The following DENND2C variants were observed in gnomAD, a reference collection of about 807,000 sequenced individuals.
DENND2C encodes DENN domain-containing protein 2C.
A neutral mutation model predicts 112.4 loss-of-function variants in DENND2C; 72 were observed. The observed-to-expected ratio is 0.64, with a 90% confidence interval of 0.53 to 0.78. DENND2C has a LOEUF of 0.78. Among genes scored for constraint, DENND2C ranks in the 30% least tolerant of loss-of-function variants. DENND2C has a pLI of 0.00. For synonymous variants in DENND2C, 329 were observed against 381.6 expected (o/e 0.86, Z 1.61); for missense variants, 992 against 1,113.8 (o/e 0.89, Z 1.56).
chr1:114,591,599 G>A lies in DENND2C; in HGVS notation c.2431+2874C>T, dbSNP rs1206763278. ...TCTCTTTTCCATGGTGTCCCTTGACGAAAAGAAAATGTAAAGATTTAACAC... is the reference window on the plus strand; with the variant it reads ...TCTCTTTTCCATGGTGTCCCTTGACAAAAAGAAAATGTAAAGATTTAACAC... On this transcript the variant is annotated intron_variant, in intron 18 of 20. Coordinates refer to ENST00000393274, the MANE Select transcript of DENND2C (RefSeq NM_001256404.2). Among the ~76,000 whole-genome samples the A allele has an allele frequency of 2.6e-5, 4 of 152,006 alleles. No individual in the cohort carries two copies. In the South Asian group the frequency reaches 6.2e-4, roughly 24 times the overall value.
intron 3 of DENND2C, among the ~76,000 whole-genome samples, chr1:114,644,288 TATC>T (rs972370492): frequency 1.3e-5 from 2 of 152,184 alleles, no homozygotes; most frequent in Non-Finnish European, 2.9e-5. Context: ...CCATAGAACT[TATC>T]ATTTATCTGA....
intron 8 of DENND2C, among the ~76,000 whole-genome samples, chr1:114,615,106 G>A (rs1655928180): frequency 6.6e-6 from 1 of 151,980 alleles, no homozygotes; most frequent in South Asian, 2.1e-4. Context: ...CCTGGCCCCA[G>A]TATATGATAA....
At position 114,601,492 on chromosome 1, in the gene DENND2C, C is replaced by T. The variant is rs373943850; in HGVS notation, c.1815+16G>A. ...AAAAAGGACACCATTTTTCATACAG[C>T]TCATTCTCCACTCACCTTTGAAAAA... is the stretch of plus-strand genomic sequence containing the variant. On this transcript the variant is annotated intron_variant, in intron 13 of 20. Transcript: ENST00000393274. The T allele has an allele frequency of 4.4e-6, 7 of 1,607,568 alleles. No individual in the cohort carries two copies. In the African/African-American group the frequency reaches 8.0e-5, roughly 18 times the overall value.
At chr1:114,629,176 A>G (rs908092584) in intron 3 of DENND2C, among the ~76,000 whole-genome samples, 2 of 152,254 alleles carry the variant, frequency 1.3e-5, no homozygotes, top group African/African-American at 4.8e-5. Flanking sequence ...AAGAGAAGGT[A>G]GAGCACACAT....
chr1:114,599,073 G>A (rs2101646698), intron 16 of DENND2C, among the ~76,000 whole-genome samples: 1 of 152,210 alleles, frequency 6.6e-6, no homozygotes, highest in Non-Finnish European at 1.5e-5. Flanking sequence ...ATAAGATACA[G>A]CTTTGGATTT....
chr1:114,613,397 A>G (rs1183331958), intron 8 of DENND2C, among the ~76,000 whole-genome samples: 1 of 152,250 alleles, frequency 6.6e-6, no homozygotes, highest in African/African-American at 2.4e-5. Flanking sequence ...ATAAGAGAAC[A>G]TTAAAATAAA....
At chr1:114,638,606 T>G (rs1455086236) in intron 3 of DENND2C, among the ~76,000 whole-genome samples, 1 of 151,256 alleles carries the variant, frequency 6.6e-6, no homozygotes, top group Non-Finnish European at 1.5e-5. Context: ...AAAAAATTTT[T>G]TAAAAAATTA....
chr1:114,625,946 C>T lies in DENND2C; in HGVS notation c.39G>A (p.Leu13=), dbSNP rs1252499640. The change falls in exon 4 of 21, where the codon CTG becomes CTA. Residue 13 remains leucine (L), a synonymous_variant. Coordinates refer to ENST00000393274, the MANE Select transcript of DENND2C (RefSeq NM_001256404.2). ...VGFSRTTVQT[L]SRSHCKNIKQ... is the part of the protein sequence containing the mutation. ...TGATGTTTTTGCAGTGGCTTCTTGA[C>T]AGTGTCTGAACAGTAGTACGAGAAA... is the stretch of plus-strand genomic sequence containing the variant. 3 of 1,613,818 alleles carry T rather than the reference C, an allele frequency of 1.9e-6. No homozygotes were observed. In the African/African-American group the frequency reaches 4.0e-5, roughly 22 times the overall value.
intron 3 of DENND2C, among the ~76,000 whole-genome samples, chr1:114,639,242 T>C (rs144360476): frequency 4.6e-5 from 7 of 152,300 alleles, no homozygotes; most frequent in African/African-American, 1.4e-4. Context: ...TGCAACCCCT[T>C]TGGAAAGCAG....
chr1:114,603,266 G>C (rs1405614221), intron 11 of DENND2C, among the ~76,000 whole-genome samples: 1 of 151,668 alleles, frequency 6.6e-6, no homozygotes, highest in East Asian at 2.0e-4. Flanking sequence ...TCAGCCTCCC[G>C]AGTAGTGGGA....
intron 3 of DENND2C, among the ~76,000 whole-genome samples, chr1:114,642,132 G>T (rs921010345): frequency 6.6e-6 from 1 of 151,974 alleles, no homozygotes; most frequent in African/African-American, 2.4e-5. Flanking sequence ...TTGTATTTTT[G>T]GTAGAGACGG....
At chr1:114,651,036 G>A (rs921222144) in intron 2 of DENND2C, among the ~76,000 whole-genome samples, 2 of 152,068 alleles carry the variant, frequency 1.3e-5, no homozygotes, top group East Asian at 3.9e-4. Context: ...TTGAACTCAG[G>A]AGGTGGAGGT....
intron 3 of DENND2C, among the ~76,000 whole-genome samples, chr1:114,629,518 A>G (rs1429512945): frequency 6.6e-6 from 1 of 152,146 alleles, no homozygotes; most frequent in East Asian, 1.9e-4. Flanking sequence ...ACCTCAGGTG[A>G]TCCACCCGCC....
rs978851431 is a variant in DENND2C, at chr1:114,652,687, T to A, written c.-317+1818A>T. ...TTTTTTTTTTTTTTTTTTTTTTTTT[T>A]AAAGAGGCAGAGTCTCCTCATTGCC... On this transcript the variant is annotated intron_variant, in intron 2 of 20. Coordinates refer to ENST00000393274, the MANE Select transcript of DENND2C (RefSeq NM_001256404.2). Among the ~76,000 whole-genome samples, 143 of 76,748 alleles carry A rather than the reference T, an allele frequency of 1.9e-3. 2 individuals are homozygous for A. The highest frequency in any genetic ancestry group is 0.011 in the Admixed American group (78 of 6,820). The allele number at this position is 76,748 out of a possible 152,430, so 50.3% of individuals were successfully genotyped here.
chr1:114,587,804 A>C lies in DENND2C; in HGVS notation c.2580T>G (p.Ser860Arg). ...TGAAGAGATCCAGGAAGTGGCGTACACTTCGGGAGGTGTGGGACTTACGGA... is the reference window on the plus strand; with the variant it reads ...TGAAGAGATCCAGGAAGTGGCGTACCCTTCGGGAGGTGTGGGACTTACGGA... ...EPFRKSHTSRSVRHFLDLFME... is the reference protein window; with the variant it reads ...EPFRKSHTSRRVRHFLDLFME... Residue 860 changes from serine to arginine, a missense_variant, in exon 19 of 21, where the codon AGT becomes AGG. Transcript: ENST00000393274. The C allele has an allele frequency of 6.2e-7, 1 of 1,614,148 alleles. No homozygotes were observed. The highest frequency in any genetic ancestry group is 8.5e-7 in the Non-Finnish European group (1 of 1,180,030).
At chr1:114,647,171 A>AAAAG (rs1402171190) in intron 2 of DENND2C, among the ~76,000 whole-genome samples, 6 of 151,208 alleles carry the variant, frequency 4.0e-5, no homozygotes, top group Non-Finnish European at 8.8e-5. Flanking sequence ...TAAAAAAAAA[A>AAAAG]AGAGAGAGAG....
At chr1:114,639,346 T>C (rs567912158) in intron 3 of DENND2C, among the ~76,000 whole-genome samples, 2 of 152,146 alleles carry the variant, frequency 1.3e-5, no homozygotes, top group African/African-American at 4.8e-5. Flanking sequence ...TTCGGGAGGC[T>C]GAGGCCGGTA....
rs961072686 is a variant in DENND2C, at chr1:114,645,545, G to A, written c.-302C>T. On this transcript the variant is annotated 5_prime_UTR_variant, in exon 3 of 21. Coordinates refer to ENST00000393274, the MANE Select transcript of DENND2C (RefSeq NM_001256404.2). ...CACTCAATCTGCGGTATTTGGTTAT[G>A]GTAGACCTAGCAAACTAATACAAAA... 2 of 152,074 alleles carry A rather than the reference G, an allele frequency of 1.3e-5. No individual in the cohort carries two copies. The highest frequency in any genetic ancestry group is 2.9e-5 in the Non-Finnish European group (2 of 68,022). 9.4% of individuals were successfully genotyped at this position (152,074 alleles called of 1,614,324 possible).
chr1:114,596,914 T>C (rs1655358708), intron 16 of DENND2C, among the ~76,000 whole-genome samples: 1 of 151,890 alleles, frequency 6.6e-6, no homozygotes, highest in Admixed American at 6.6e-5. Context: ...TCCAGGAGGA[T>C]TCATAATCAA....
Sources: allele counts gnomAD v4.1 joint callset (sites outside exome capture counted in the v4.1 genomes callset), GRCh38; gene constraint gnomAD v4.1.1; transcripts MANE v1.5; gene names NCBI Gene and HGNC (gene_info 2026-07-23, HGNC 2026-07-21).